The following PLXNA2 variants were observed in gnomAD, a reference collection of about 807,000 sequenced individuals.
PLXNA2 encodes the protein plexin-A2.
Under a neutral mutation model 193.5 loss-of-function variants are expected in PLXNA2, and 91 were observed. The ratio of observed to expected loss-of-function variants is 0.47; its 90% confidence interval spans 0.40 to 0.56. PLXNA2 has a LOEUF of 0.56. Among genes scored for constraint, PLXNA2 ranks in the 20% least tolerant of loss-of-function variants. The probability of loss-of-function intolerance (pLI) is 0.00; values close to 1 mark genes in which losing one functional copy is unlikely to be tolerated. For synonymous variants in PLXNA2, 997 were observed against 1,027.3 expected (o/e 0.97, Z 0.56); for missense variants, 1,995 against 2,503.2 (o/e 0.80, Z 4.33).
intron 3 of PLXNA2, among the ~76,000 whole-genome samples, chr1:208,189,472 C>T (rs961139083): frequency 4.6e-5 from 7 of 151,758 alleles, no homozygotes; most frequent in Admixed American, 4.6e-4. Context: ...CCTGACTCCT[C>T]CTCCCCTTCT....
At chr1:208,062,416 C>A (rs1005799496) in intron 12 of PLXNA2, among the ~76,000 whole-genome samples, 4 of 152,208 alleles carry the variant, frequency 2.6e-5, no homozygotes, top group Admixed American at 6.5e-5. Context: ...AGAAAAGATG[C>A]CTCCTTCCCT....
At position 208,027,182 on chromosome 1, in the gene PLXNA2, G is replaced by T; in HGVS notation, c.*61C>A. On this transcript the variant is annotated 3_prime_UTR_variant, in exon 32 of 32. Transcript: ENST00000367033. ...ATCCCCATCACTTGTCCTTCCATCT[G>T]AGACTCCCAGTGTGACAGCTTGGAC... The T allele has an allele frequency of 7.1e-7, 1 of 1,407,996 alleles. No individual in the cohort carries two copies. The highest frequency in any genetic ancestry group is 1.0e-6 in the Non-Finnish European group (1 of 998,610). 87.2% of individuals were successfully genotyped at this position (1,407,996 alleles called of 1,614,324 possible). A position where few individuals can be genotyped will look rare whatever the true frequency, so the allele number is the denominator to read the frequency against.
chr1:208,137,738 C>T (rs181653314), intron 4 of PLXNA2, among the ~76,000 whole-genome samples: 41 of 152,270 alleles, frequency 2.7e-4, no homozygotes, highest in African/African-American at 7.9e-4. Flanking sequence ...GTGACACTAA[C>T]GACCCAACAC....
At chr1:208,205,841 G>A (rs2590696) in intron 3 of PLXNA2, among the ~76,000 whole-genome samples, 146,558 of 152,288 alleles carry the variant, frequency 0.96, 70,782 homozygotes, top group Middle Eastern at 1. Context: ...CAGTGGCCCT[G>A]TTCTGCCCTC....
intron 4 of PLXNA2, among the ~76,000 whole-genome samples, chr1:208,117,373 C>T (rs928661936): frequency 6.6e-6 from 1 of 152,144 alleles, no homozygotes; most frequent in South Asian, 2.1e-4. Context: ...ACCGCTCCCA[C>T]CCCAGCTGCA....
In PLXNA2 at chr1:208,049,359, C is replaced by G. The variant is rs548312115; in HGVS notation, c.3255+1650G>C. On this transcript the variant is annotated intron_variant, in intron 17 of 31. Transcript: ENST00000367033. The stretch of plus-strand genomic sequence containing the variant: ...GGTGTGAACTTACCATTCTTGTTCC[C>G]ATACCTCACCCTAGACTCTGGAGTT... Among the ~76,000 whole-genome samples the G allele has an allele frequency of 1.6e-4, 24 of 151,148 alleles. No individual in the cohort carries two copies. The South Asian group carries it at 4.6e-3, about 29-fold the overall frequency.
intron 3 of PLXNA2, among the ~76,000 whole-genome samples, chr1:208,167,036 A>G (rs1669332715): frequency 6.6e-6 from 1 of 152,196 alleles, no homozygotes; most frequent in Non-Finnish European, 1.5e-5. Context: ...TTGGAATGTC[A>G]GTTTGCTGAC....
intron 3 of PLXNA2, among the ~76,000 whole-genome samples, chr1:208,148,599 T>G (rs1357187142): frequency 2.0e-5 from 3 of 152,198 alleles, no homozygotes; most frequent in African/African-American, 4.8e-5. Context: ...ATTGATTTAT[T>G]ATGTGCCTAC....
At chr1:208,189,364 G>A (rs1476006012) in intron 3 of PLXNA2, among the ~76,000 whole-genome samples, 1 of 152,122 alleles carries the variant, frequency 6.6e-6, no homozygotes, top group Non-Finnish European at 1.5e-5. Context: ...GTGATCTTGT[G>A]GTTGACTCAA....
rs1478482009 is a variant in PLXNA2 at position 208,038,710 on chromosome 1, A to C, written c.4660+115T>G. ...GCGCTCAAAGCGGGAAGCATTTCAC[A>C]CGGGCCTCAGCTGGCCAGGACACAG... On this transcript the variant is annotated intron_variant, in intron 25 of 31. Coordinates refer to ENST00000367033, the MANE Select transcript of PLXNA2 (RefSeq NM_025179.4). This position sits in a 1 kb window ranked among gnomAD's most constrained non-coding sequence, Gnocchi z 4.1. 1 of 1,145,266 alleles carries C rather than the reference A, an allele frequency of 8.7e-7. No individual in the cohort carries two copies. The highest frequency in any genetic ancestry group is 1.3e-6 in the Non-Finnish European group (1 of 781,834). The allele number at this position is 1,145,266 out of a possible 1,614,324, so 70.9% of individuals were successfully genotyped here. A position where few individuals can be genotyped will look rare whatever the true frequency, so the allele number is the denominator to read the frequency against.
intron 26 of PLXNA2, among the ~76,000 whole-genome samples, chr1:208,035,406 T>C (rs1664639564): frequency 6.6e-6 from 1 of 152,204 alleles, no homozygotes; most frequent in Non-Finnish European, 1.5e-5. Flanking sequence ...CTGGATCACT[T>C]CAAATAGTTT....
intron 1 of PLXNA2, among the ~76,000 whole-genome samples, chr1:208,227,299 A>G (rs1460722930): frequency 4.6e-5 from 7 of 152,208 alleles, no homozygotes; most frequent in Non-Finnish European, 1.0e-4. Context: ...ATGACACGCT[A>G]TGCTACATGC....
chr1:208,182,415 A>C (rs149203746), intron 3 of PLXNA2, among the ~76,000 whole-genome samples: 2,000 of 152,288 alleles, frequency 0.013, 43 homozygotes, highest in African/African-American at 0.043. Flanking sequence ...CCTGGGTGAC[A>C]GAGTGATACT....
At chr1:208,062,067 A>C (rs547644797) in intron 12 of PLXNA2, among the ~76,000 whole-genome samples, 2 of 152,278 alleles carry the variant, frequency 1.3e-5, no homozygotes, top group South Asian at 4.1e-4. Flanking sequence ...GGATGAAGGA[A>C]GGAGCAAAAA....
chr1:208,098,483 C>CAT (rs1666989538), intron 6 of PLXNA2, among the ~76,000 whole-genome samples: 1 of 151,720 alleles, frequency 6.6e-6, no homozygotes, highest in Non-Finnish European at 1.5e-5. Flanking sequence ...CACACACACA[C>CAT]ACACACACAT....
At chr1:208,112,180 G>C (rs554314401) in intron 4 of PLXNA2, among the ~76,000 whole-genome samples, 1 of 152,248 alleles carries the variant, frequency 6.6e-6, no homozygotes, top group East Asian at 1.9e-4. Context: ...ACTCAGCAGA[G>C]GTCCTGCAGG....
At chr1:208,226,856 C>G (rs1254600891) in intron 1 of PLXNA2, among the ~76,000 whole-genome samples, 2 of 152,246 alleles carry the variant, frequency 1.3e-5, no homozygotes, top group Non-Finnish European at 2.9e-5. Flanking sequence ...CAGGAAGGAG[C>G]CCTGCTTTGC....
At chr1:208,204,784 C>A (rs1226581433) in intron 3 of PLXNA2, among the ~76,000 whole-genome samples, 1 of 152,196 alleles carries the variant, frequency 6.6e-6, no homozygotes, top group Non-Finnish European at 1.5e-5. Flanking sequence ...AGGTAGACAC[C>A]TTAACAGCTG....
chr1:208,133,312 A>G (rs1183720513), intron 4 of PLXNA2, among the ~76,000 whole-genome samples: 1 of 152,176 alleles, frequency 6.6e-6, no homozygotes, highest in Non-Finnish European at 1.5e-5. Context: ...TGATTTATCT[A>G]TACATCATTG....
Sources: gnomAD v4.1 joint callset for allele counts (sites outside exome capture counted in the v4.1 genomes callset) on GRCh38, gnomAD v4.1.1 for gene constraint, Gnocchi (gnomAD v3.1) non-coding constraint, MANE v1.5 for transcripts, NCBI Gene and HGNC (gene_info 2026-07-23, HGNC 2026-07-21) for gene names.